The following NELL1 variants were observed in gnomAD, a reference collection of about 807,000 sequenced individuals.
NELL1 encodes the protein neural EGFL like 1.
In NELL1, 76 loss-of-function variants were observed where a neutral mutation model predicts 107.4. That is an observed-to-expected ratio of 0.71 (90% CI 0.59 to 0.86). The LOEUF (loss-of-function observed/expected upper bound fraction) is 0.86. Among genes scored for constraint, NELL1 ranks in the 40% least tolerant of loss-of-function variants. NELL1 has a pLI of 0.00. For synonymous variants in NELL1, 353 were observed against 341.2 expected (o/e 1.03, Z -0.38); for missense variants, 1,024 against 1,005.5 (o/e 1.02, Z -0.25).
At chr11:21,164,073 C>G (rs1320695228) in intron 13 of NELL1, among the ~76,000 whole-genome samples, 1 of 152,066 alleles carries the variant, frequency 6.6e-6, no homozygotes, top group Non-Finnish European at 1.5e-5. Context: ...GGAGAGAAGC[C>G]TCAGAAACCA....
chr11:21,308,168 C>T (rs1426770472), intron 14 of NELL1, among the ~76,000 whole-genome samples: 3 of 151,994 alleles, frequency 2.0e-5, no homozygotes, highest in Non-Finnish European at 4.4e-5. Flanking sequence ...GGAAATACCT[C>T]GTGGGGTTGC....
At chr11:21,518,315 T>C (rs1855625615) in intron 15 of NELL1, among the ~76,000 whole-genome samples, 1 of 152,088 alleles carries the variant, frequency 6.6e-6, no homozygotes, top group African/African-American at 2.4e-5. Flanking sequence ...ATGACAGAAA[T>C]ATGGTGAAGC....
chr11:21,225,073 G>T (rs550725731), intron 13 of NELL1, among the ~76,000 whole-genome samples: 2 of 152,074 alleles, frequency 1.3e-5, no homozygotes, highest in Non-Finnish European at 2.9e-5. Context: ...CTATGGTAAT[G>T]GTATCATTTC....
intron 4 of NELL1, among the ~76,000 whole-genome samples, chr11:20,881,800 G>T (rs1447951625): frequency 1.3e-5 from 2 of 152,040 alleles, no homozygotes; most frequent in Non-Finnish European, 2.9e-5. Flanking sequence ...TCTGTCTCAG[G>T]CATTAGATCT....
At chr11:21,328,516 T>C (rs1335278754) in intron 14 of NELL1, among the ~76,000 whole-genome samples, 2 of 152,032 alleles carry the variant, frequency 1.3e-5, no homozygotes, top group Non-Finnish European at 2.9e-5. Flanking sequence ...AAATGTAAGG[T>C]TGGAGCCTCC....
intron 2 of NELL1, among the ~76,000 whole-genome samples, chr11:20,721,723 C>T (rs1288511544): frequency 3.3e-5 from 5 of 152,104 alleles, no homozygotes; most frequent in South Asian, 4.1e-4. Flanking sequence ...TAGAAAAGTT[C>T]GGGGAGATAG....
Position 21,108,119 on chromosome 11 carries a change from C to T in NELL1, c.1301-5470C>T, listed in dbSNP as rs138795840. ...ATCTTCTTTCCTTTTTAAATGTACA[C>T]AGGGAGTGGGGAATGCCTTTTCCCC... On this transcript the variant is annotated intron_variant, in intron 12 of 19. Coordinates refer to ENST00000357134, the MANE Select transcript of NELL1 (RefSeq NM_006157.5). Among the ~76,000 whole-genome samples, 29 of 152,278 alleles carry T rather than the reference C, an allele frequency of 1.9e-4. No homozygotes were observed. The East Asian group carries it at 4.6e-3, about 24-fold the overall frequency.
At chr11:21,053,646 A>G (rs186113986) in intron 12 of NELL1, among the ~76,000 whole-genome samples, 243 of 152,214 alleles carry the variant, frequency 1.6e-3, no homozygotes, top group Middle Eastern at 3.4e-3. Context: ...AAGGGAAAAA[A>G]CCATCAGCTT....
intron 2 of NELL1, among the ~76,000 whole-genome samples, chr11:20,681,928 T>G (rs1179331537): frequency 6.6e-6 from 1 of 152,100 alleles, no homozygotes; most frequent in Non-Finnish European, 1.5e-5. Flanking sequence ...TTCTCTGATA[T>G]TGACCTTCTG....
chr11:20,927,734 T>G (rs558328471), intron 8 of NELL1, among the ~76,000 whole-genome samples: 63 of 152,338 alleles, frequency 4.1e-4, no homozygotes, highest in African/African-American at 1.4e-3. Context: ...AAGGGACTCC[T>G]TTGATTTTCA....
At chr11:21,364,959 T>C (rs1406688116) in intron 14 of NELL1, among the ~76,000 whole-genome samples, 2 of 152,176 alleles carry the variant, frequency 1.3e-5, no homozygotes, top group Non-Finnish European at 2.9e-5. Flanking sequence ...ATTAAGTACC[T>C]TTCCTCAGGA....
At chr11:20,887,331 C>T (rs556207279) in intron 5 of NELL1, among the ~76,000 whole-genome samples, 40 of 152,228 alleles carry the variant, frequency 2.6e-4, no homozygotes, top group Admixed American at 1.9e-3. Context: ...GTGTGAACAG[C>T]GGTTTTGATT....
chr11:21,153,919 C>G (rs555557300), intron 13 of NELL1, among the ~76,000 whole-genome samples: 94 of 152,214 alleles, frequency 6.2e-4, no homozygotes, highest in Middle Eastern at 3.4e-3. Flanking sequence ...ATTCCCAACC[C>G]CTGGAGACAG....
intron 15 of NELL1, among the ~76,000 whole-genome samples, chr11:21,402,486 G>A (rs1852121544): frequency 6.6e-6 from 1 of 151,774 alleles, no homozygotes; most frequent in Admixed American, 6.6e-5. Context: ...GTCAGCCATT[G>A]CTTGAGTAGC....
chr11:21,107,111 C>A (rs1264401368), intron 12 of NELL1, among the ~76,000 whole-genome samples: 1 of 152,122 alleles, frequency 6.6e-6, no homozygotes, highest in Non-Finnish European at 1.5e-5. Flanking sequence ...CTGAGTGGAA[C>A]ATTTGTTACA....
intron 15 of NELL1, among the ~76,000 whole-genome samples, chr11:21,420,000 T>C (rs73457400): frequency 0.03 from 4,605 of 152,206 alleles, 242 homozygotes; most frequent in African/African-American, 0.1. Flanking sequence ...TCTGCCTCTG[T>C]GTTCCCATAT....
intron 15 of NELL1, among the ~76,000 whole-genome samples, chr11:21,448,096 A>G (rs142595115): frequency 6.6e-4 from 101 of 152,312 alleles, no homozygotes; most frequent in African/African-American, 2.4e-3. Flanking sequence ...GGCATTAGCA[A>G]TTCAAAACTG....
intron 1 of NELL1, chr11:20,670,529 C>T (rs1239158132): frequency 6.6e-6 from 1 of 152,192 alleles, no homozygotes; most frequent in Non-Finnish European, 1.5e-5. Context: ...GTCCCCACTT[C>T]GTTCTGCCTC....
chr11:21,320,719 A>G (rs1849989803), intron 14 of NELL1, among the ~76,000 whole-genome samples: 1 of 152,172 alleles, frequency 6.6e-6, no homozygotes, highest in South Asian at 2.1e-4. Flanking sequence ...TCTCATTGCC[A>G]GCTAGACATC....
Sources: allele counts gnomAD v4.1 joint callset (sites outside exome capture counted in the v4.1 genomes callset), GRCh38; gene constraint gnomAD v4.1.1; transcripts MANE v1.5; gene names NCBI Gene and HGNC (gene_info 2026-07-23, HGNC 2026-07-21).